Variants in PDZRN3 observed in about 807,000 individuals in gnomAD.
PDZRN3 encodes the protein PDZ domain containing ring finger 3.
In PDZRN3, 38 loss-of-function variants were observed where a neutral mutation model predicts 85.7. The observed-to-expected ratio is 0.44, with a 90% CI of 0.34 to 0.58. The LOEUF is 0.58. PDZRN3 is among the 20% of genes least tolerant of loss of function. The pLI is 0.01. For synonymous variants in PDZRN3, 759 were observed against 638.0 expected (o/e 1.19, Z -2.86); for missense variants, 1,629 against 1,506.4 (o/e 1.08, Z -1.35).
intron 3 of PDZRN3, among the ~76,000 whole-genome samples, chr3:73,518,087 C>A (rs1274417656): frequency 2.0e-5 from 3 of 152,052 alleles, no homozygotes; most frequent in Non-Finnish European, 4.4e-5. Context: ...TTCACAATAG[C>A]CAAAAGGTAG....
At chr3:73,456,184 A>ATGTGTG (rs10608893) in intron 3 of PDZRN3, among the ~76,000 whole-genome samples, 19 of 150,752 alleles carry the variant, frequency 1.3e-4, no homozygotes, top group African/African-American at 4.6e-4. Flanking sequence ...GAGAAGAAAA[A>ATGTGTG]TGTGTGTGTG....
At chr3:73,404,042 G>C in intron 4 of PDZRN3, 106 bp downstream of exon 4, 1 of 1,135,028 alleles carries the variant, frequency 8.8e-7, no homozygotes, top group Non-Finnish European at 1.3e-6. Context: ...GGGCAACTTG[G>C]AGGAAAACTA....
At chr3:73,404,455 A>C in intron 3 of PDZRN3, 60 bp from the exon 4 acceptor site, 1 of 1,532,010 alleles carries the variant, frequency 6.5e-7, no homozygotes, top group Admixed American at 1.9e-5. Flanking sequence ...GGAAGGACAA[A>C]TACATGAATT....
At chr3:73,561,892 C>T (rs1470399826) in intron 3 of PDZRN3, among the ~76,000 whole-genome samples, 1 of 151,318 alleles carries the variant, frequency 6.6e-6, no homozygotes, top group Non-Finnish European at 1.5e-5. Context: ...GTACAATTAA[C>T]ATCACAGAGA....
At chr3:73,454,412 C>G (rs1411350561) in intron 3 of PDZRN3, among the ~76,000 whole-genome samples, 3 of 152,112 alleles carry the variant, frequency 2.0e-5, no homozygotes, top group African/African-American at 7.2e-5. Flanking sequence ...TGAGGCCCTG[C>G]AACATCAATG....
chr3:73,393,426 G>A (rs1373024910), intron 5 of PDZRN3, among the ~76,000 whole-genome samples: 1 of 152,178 alleles, frequency 6.6e-6, no homozygotes, highest in Non-Finnish European at 1.5e-5. Context: ...GAAGTGTTCA[G>A]AAACCTCTAT....
intron 3 of PDZRN3, among the ~76,000 whole-genome samples, chr3:73,564,675 T>C (rs972042197): frequency 6.6e-6 from 1 of 152,180 alleles, no homozygotes; most frequent in Non-Finnish European, 1.5e-5. Flanking sequence ...GCATCATAAA[T>C]ACTATCCTTT....
chr3:73,468,899 C>CA (rs1310268570), intron 3 of PDZRN3, among the ~76,000 whole-genome samples: 1 of 152,110 alleles, frequency 6.6e-6, no homozygotes, highest in East Asian at 1.9e-4. Flanking sequence ...GTACCTCCCT[C>CA]AAAGGAGCTA....
chr3:73,523,570 A>C (rs2106735577), intron 3 of PDZRN3, among the ~76,000 whole-genome samples: 1 of 152,328 alleles, frequency 6.6e-6, no homozygotes, highest in Admixed American at 6.5e-5. Flanking sequence ...GAAGAAAAAA[A>C]CCCAAAGTTT....
intron 1 of PDZRN3, among the ~76,000 whole-genome samples, chr3:73,615,125 T>C (rs1046472871): frequency 2.0e-5 from 3 of 152,152 alleles, no homozygotes; most frequent in Non-Finnish European, 2.9e-5. Flanking sequence ...AGTCATAATA[T>C]CTGCACAATA....
intron 3 of PDZRN3, among the ~76,000 whole-genome samples, chr3:73,528,860 T>G (rs1704585954): frequency 1.3e-5 from 2 of 150,038 alleles, no homozygotes; most frequent in African/African-American, 4.9e-5. Context: ...GTGGACACAT[T>G]TAGTCCTAAG....
intron 8 of PDZRN3, 60 bp downstream of exon 8, chr3:73,387,908 C>T (rs1316141198): frequency 2.5e-6 from 2 of 792,560 alleles, no homozygotes; most frequent in Non-Finnish European, 4.2e-6. Context: ...TTTTGCAGGC[C>T]TGGGGATCTT....
chr3:73,430,966 T>C (rs992979683), intron 3 of PDZRN3, among the ~76,000 whole-genome samples: 1 of 152,182 alleles, frequency 6.6e-6, no homozygotes, highest in African/African-American at 2.4e-5. Flanking sequence ...AAATTTCTGG[T>C]AGGCAGAGGC....
intron 6 of PDZRN3, among the ~76,000 whole-genome samples, chr3:73,390,654 T>TGTGTGA (rs36036904): frequency 3.7e-3 from 525 of 140,024 alleles, no homozygotes; most frequent in South Asian, 9.6e-3. Flanking sequence ...TGTGTGTGTG[T>TGTGTGA]GAGAGAGAGA....
intron 3 of PDZRN3, among the ~76,000 whole-genome samples, chr3:73,585,732 T>C (rs1389304479): frequency 6.6e-6 from 1 of 152,156 alleles, no homozygotes; most frequent in East Asian, 1.9e-4. Flanking sequence ...TCAAAATAGG[T>C]GTCAGCAAAG....
intron 5 of PDZRN3, among the ~76,000 whole-genome samples, chr3:73,396,055 TCTA>T (rs1207486413): frequency 6.6e-6 from 1 of 152,046 alleles, no homozygotes; most frequent in Admixed American, 6.5e-5. Flanking sequence ...AAACCCTGTC[TCTA>T]CTAAAAATAC....
intron 3 of PDZRN3, among the ~76,000 whole-genome samples, chr3:73,508,858 T>C (rs1053139004): frequency 6.6e-6 from 1 of 152,122 alleles, no homozygotes; most frequent in Non-Finnish European, 1.5e-5. Context: ...GGCCCTCTCA[T>C]ACAAAAACCA....
chr3:73,390,674 G>C (rs917803982), intron 6 of PDZRN3, among the ~76,000 whole-genome samples: 2 of 133,288 alleles, frequency 1.5e-5, no homozygotes, highest in Non-Finnish European at 3.2e-5. Flanking sequence ...AGAGAGAGAG[G>C]CTTTAAAAAG....
intron 3 of PDZRN3, among the ~76,000 whole-genome samples, chr3:73,450,105 G>T (rs1400627400): frequency 1.3e-5 from 2 of 152,162 alleles, no homozygotes; most frequent in Non-Finnish European, 2.9e-5. Context: ...AAATAAGTCA[G>T]CCCAGTTCCA....
Sources: gnomAD v4.1 joint callset for allele counts (sites outside exome capture counted in the v4.1 genomes callset) on GRCh38, gnomAD v4.1.1 for gene constraint, MANE v1.5 for transcripts, NCBI Gene and HGNC (gene_info 2026-07-23, HGNC 2026-07-21) for gene names.